MAGI2: variants seen among roughly 807,000 people sequenced by gnomAD.
MAGI2 encodes membrane associated guanylate kinase, WW and PDZ domain containing 2.
Under a neutral mutation model 133.3 loss-of-function variants are expected in MAGI2, and 35 were observed. The observed-to-expected ratio is 0.26, with a 90% CI of 0.20 to 0.35. MAGI2 has a LOEUF of 0.35. Among genes scored for constraint, MAGI2 ranks in the 10% least tolerant of loss-of-function variants. The probability of loss-of-function intolerance (pLI) is 1.00; values close to 1 mark genes in which losing one functional copy is unlikely to be tolerated. For missense variants in MAGI2, 1,636 were observed against 1,863.4 expected, an observed-to-expected ratio of 0.88 and a Z score of 2.25; for synonymous variants, 729 against 710.6, an observed-to-expected ratio of 1.03 and a Z score of -0.41.
At chr7:78,076,151 A>G (rs889399310) in intron 21 of MAGI2, among the ~76,000 whole-genome samples, 4 of 152,184 alleles carry the variant, frequency 2.6e-5, no homozygotes, top group African/African-American at 9.6e-5. Flanking sequence ...AATGCTGATG[A>G]TTGGCCACTC....
At chr7:78,979,590 C>T (rs1034011045) in intron 2 of MAGI2, among the ~76,000 whole-genome samples, 6 of 151,814 alleles carry the variant, frequency 4.0e-5, no homozygotes, top group Non-Finnish European at 7.4e-5. Context: ...GCATTCCACC[C>T]TCTCTATCCT....
At chr7:78,602,219 G>A (rs986749812) in intron 3 of MAGI2, among the ~76,000 whole-genome samples, 2 of 152,054 alleles carry the variant, frequency 1.3e-5, no homozygotes, top group Non-Finnish European at 2.9e-5. Flanking sequence ...TGTTGCAATG[G>A]CGCTATCTTT....
chr7:78,198,913 A>G (rs1828987630), intron 11 of MAGI2, among the ~76,000 whole-genome samples: 1 of 152,170 alleles, frequency 6.6e-6, no homozygotes, highest in South Asian at 2.1e-4. Context: ...CTATTTTAGC[A>G]TATTACTTGT....
chr7:79,211,513 T>G (rs1408213006), intron 1 of MAGI2, among the ~76,000 whole-genome samples: 1 of 151,616 alleles, frequency 6.6e-6, no homozygotes, highest in Non-Finnish European at 1.5e-5. Context: ...AGGCTGGTCT[T>G]GAACTCCTGG....
chr7:78,508,191 T>C (rs1795255971), intron 4 of MAGI2, among the ~76,000 whole-genome samples: 1 of 152,116 alleles, frequency 6.6e-6, no homozygotes. Context: ...ACGTCCTAAC[T>C]AATTATATCT....
chr7:78,898,889 T>C (rs1241911259), intron 2 of MAGI2, among the ~76,000 whole-genome samples: 1 of 152,200 alleles, frequency 6.6e-6, no homozygotes, highest in Non-Finnish European at 1.5e-5. Flanking sequence ...CTTCAGCATA[T>C]TTTACCTATT....
intron 16 of MAGI2, among the ~76,000 whole-genome samples, chr7:78,137,324 G>A (rs951921882): frequency 6.6e-6 from 1 of 152,132 alleles, no homozygotes; most frequent in Non-Finnish European, 1.5e-5. Context: ...AGTAAAATTG[G>A]TATACTAATA....
intron 2 of MAGI2, among the ~76,000 whole-genome samples, chr7:78,822,500 C>T (rs934178894): frequency 6.6e-6 from 1 of 152,058 alleles, no homozygotes; most frequent in African/African-American, 2.4e-5. Context: ...GGATTTTGCT[C>T]ATGTGGGTGT....
chr7:78,230,241 C>G (rs889506855), intron 10 of MAGI2, among the ~76,000 whole-genome samples: 2 of 152,134 alleles, frequency 1.3e-5, no homozygotes, highest in African/African-American at 2.4e-5. Context: ...ATTTTGGAGT[C>G]AAGAGTATAA....
At chr7:79,107,748 C>T (rs1268657676) in intron 1 of MAGI2, among the ~76,000 whole-genome samples, 1 of 152,214 alleles carries the variant, frequency 6.6e-6, no homozygotes, top group Non-Finnish European at 1.5e-5. Context: ...CCATCATCCT[C>T]TCTATCTGGA....
intron 2 of MAGI2, among the ~76,000 whole-genome samples, chr7:78,713,167 A>T (rs1437689159): frequency 6.6e-6 from 1 of 152,178 alleles, no homozygotes; most frequent in Non-Finnish European, 1.5e-5. Context: ...TGACTATGAC[A>T]TGACAATTTG....
intron 1 of MAGI2, among the ~76,000 whole-genome samples, chr7:79,048,484 C>G (rs1031762017): frequency 1.3e-5 from 2 of 152,140 alleles, no homozygotes; most frequent in African/African-American, 4.8e-5. Flanking sequence ...TACTACAAGT[C>G]TTACTGCTAA....
At chr7:78,900,769 G>C (rs1468487909) in intron 2 of MAGI2, among the ~76,000 whole-genome samples, 1 of 152,016 alleles carries the variant, frequency 6.6e-6, no homozygotes, top group Non-Finnish European at 1.5e-5. Context: ...AACTTGAGCT[G>C]TATGAAAGGA....
intron 1 of MAGI2, among the ~76,000 whole-genome samples, chr7:79,147,404 T>A (rs1400712778): frequency 6.6e-6 from 1 of 152,186 alleles, no homozygotes; most frequent in Non-Finnish European, 1.5e-5. Context: ...TGGGCCGTAG[T>A]GGATCCTCCT....
chr7:78,873,370 C>T (rs910909388), intron 2 of MAGI2, among the ~76,000 whole-genome samples: 4 of 152,160 alleles, frequency 2.6e-5, no homozygotes, highest in Non-Finnish European at 4.4e-5. Flanking sequence ...CACTTCCCAT[C>T]GCTGGCATTA....
At chr7:79,444,214 A>G (rs1346685304) in intron 1 of MAGI2, among the ~76,000 whole-genome samples, 6 of 152,212 alleles carry the variant, frequency 3.9e-5, no homozygotes, top group Admixed American at 3.9e-4. Flanking sequence ...ATCATACTGA[A>G]TGGGCAAAAA....
At chr7:78,310,510 A>AT (rs1798613952) in intron 9 of MAGI2, among the ~76,000 whole-genome samples, 1 of 152,226 alleles carries the variant, frequency 6.6e-6, no homozygotes, top group African/African-American at 2.4e-5. Flanking sequence ...GATACAGTTG[A>AT]TTTTTTAAAA....
intron 20 of MAGI2, among the ~76,000 whole-genome samples, chr7:78,085,380 C>A (rs1816502294): frequency 6.6e-6 from 1 of 151,814 alleles, no homozygotes; most frequent in Non-Finnish European, 1.5e-5. Context: ...AAATAAAAAA[C>A]ATTTGCCAGG....
intron 1 of MAGI2, among the ~76,000 whole-genome samples, chr7:79,354,650 C>A (rs1165461849): frequency 6.6e-6 from 1 of 152,112 alleles, no homozygotes; most frequent in Admixed American, 6.5e-5. Flanking sequence ...CCCTGGTCCC[C>A]AAAGAAACTC....
Sources: gnomAD v4.1 joint callset for allele counts (sites outside exome capture counted in the v4.1 genomes callset) on GRCh38, gnomAD v4.1.1 for gene constraint, MANE v1.5 for transcripts, NCBI Gene and HGNC (gene_info 2026-07-23, HGNC 2026-07-21) for gene names.